Variants in RPL13A observed in about 807,000 individuals in gnomAD.
RPL13A encodes large ribosomal subunit protein uL13.
A neutral mutation model predicts 30.8 loss-of-function variants in RPL13A; 4 were observed. The observed-to-expected ratio is 0.13, with a 90% CI of 0.06 to 0.30. The LOEUF (loss-of-function observed/expected upper bound fraction) is 0.30, where lower values mean the gene tolerates loss of function less well. Among genes scored for constraint, RPL13A ranks in the 10% least tolerant of loss-of-function variants. RPL13A has a pLI of 1.00. For synonymous variants in RPL13A, 108 were observed against 104.2 expected, an observed-to-expected ratio of 1.04 and a Z score of -0.22; for missense variants, 196 against 272.6, an observed-to-expected ratio of 0.72 and a Z score of 1.98.
In RPL13A at chr19:49,491,106, C is replaced by A. The variant is rs1460707749; in HGVS notation, c.402+7C>A. On this transcript the variant is annotated splice_region_variant and intron_variant, in intron 6 of 7. Coordinates refer to ENST00000391857, the MANE Select transcript of RPL13A (RefSeq NM_012423.4). ...TCTGAAGCCTACAAGAAAGGTGAGT[C>A]CCAGCTTACGCTGCACCATCTACTT... 1.6e-5 allele frequency: 26 copies of A among 1,613,948 alleles called. No individual in the cohort carries two copies. Among genetic ancestry groups the A allele is most frequent in the Non-Finnish European group, 2.1e-5 (25 of 1,179,984 alleles).
In RPL13A at chr19:49,491,499, G is replaced by C; in HGVS notation, c.477G>C (p.Lys159Asn). 6.6e-7 allele frequency: 1 copy of C among 1,510,884 alleles called. No homozygotes were observed. Among genetic ancestry groups the C allele is most frequent in the Non-Finnish European group, 8.8e-7 (1 of 1,130,974 alleles). The allele number at this position is 1,510,884 out of a possible 1,614,324, so 93.6% of individuals were successfully genotyped here. The change falls in exon 7 of 8, where the codon AAG (lysine) becomes AAC (asparagine). Residue 159 changes from lysine to asparagine, a missense_variant. Physicochemically the swap from Lys to Asn is moderately conservative, Grantham distance 94. Coordinates refer to ENST00000391857, the MANE Select transcript of RPL13A (RefSeq NM_012423.4). ...CAGTGACAGCCACCCTGGAGGAGAA[G>C]AGGAAAGAGAAAGCCAAGATCCACT... ...YQAVTATLEE[K>N]RKEKAKIHYR...
intron 1 of RPL13A, among the ~76,000 whole-genome samples, chr19:49,488,769 G>T (rs1260871160): frequency 6.6e-6 from 1 of 152,232 alleles, no homozygotes; most frequent in Admixed American, 6.5e-5. Context: ...GCAATGGTGC[G>T]ATCTTGGCTC....
intron 1 of RPL13A, among the ~76,000 whole-genome samples, chr19:49,489,079 C>T (rs561701480): frequency 1.3e-4 from 20 of 152,348 alleles, no homozygotes; most frequent in African/African-American, 4.6e-4. Context: ...TGCTCTATAG[C>T]AGAGCTAGCA....
rs2079859835 is a variant in RPL13A at position 49,490,871 on chromosome 19, T to C, written c.342+7T>C. The C allele has an allele frequency of 6.2e-7, 1 of 1,614,028 alleles. No homozygotes were observed. Among genetic ancestry groups the C allele is most frequent in the Admixed American group, 1.7e-5 (1 of 60,008 alleles). On this transcript the variant is annotated splice_region_variant and intron_variant, in intron 5 of 7. Coordinates refer to ENST00000391857, the MANE Select transcript of RPL13A (RefSeq NM_012423.4). ...CCCACCGCCCTACGACAAGGTGAGC[T>C]ATGCCAAACCCCACAGGCAGCGGCC...
At chr19:49,491,400 T>TCGCCC (rs1555806959) in intron 6 of RPL13A, 25 bp from the exon 7 acceptor site, 1 of 950,634 alleles carries the variant, frequency 1.1e-6, no homozygotes, top group Non-Finnish European at 1.4e-6. Flanking sequence ...CTTCATTTGT[T>TCGCCC]CACCCCCCCC....
At position 49,487,621 on chromosome 19, in the gene RPL13A, C is replaced by T. The variant is rs765958462; in HGVS notation, c.-9C>T. ...CAAAACCTCCTCCTTTTCCAAGCGG[C>T]TGCCGAAGATGGCGGAGGTGCAGGT... On this transcript the variant is annotated 5_prime_UTR_variant, in exon 1 of 8. Coordinates refer to ENST00000391857, the MANE Select transcript of RPL13A (RefSeq NM_012423.4). 1 of 1,576,262 alleles carries T rather than the reference C, an allele frequency of 6.3e-7. No individual in the cohort carries two copies.
At chr19:49,488,044 G>C (rs1008142511) in intron 1 of RPL13A, among the ~76,000 whole-genome samples, 2 of 152,090 alleles carry the variant, frequency 1.3e-5, no homozygotes, top group Admixed American at 1.3e-4. Flanking sequence ...ACTGAGTTTT[G>C]GCCAAAATGG....
intron 2 of RPL13A, 44 bp from the exon 3 acceptor site, chr19:49,490,188 A>C (rs1162600709): frequency 6.3e-7 from 1 of 1,585,884 alleles, no homozygotes; most frequent in African/African-American, 1.3e-5. Context: ...CAGTGGTGGG[A>C]CCCTCAGGCG....
intron 1 of RPL13A, among the ~76,000 whole-genome samples, chr19:49,489,202 C>T (rs1167816753): frequency 6.6e-6 from 1 of 152,180 alleles, no homozygotes; most frequent in Admixed American, 6.5e-5. Flanking sequence ...ATTGTGTTAA[C>T]ATCCTACAAT....
At chr19:49,490,320 C>T in intron 3 of RPL13A, 23 bp downstream of exon 3, 2 of 1,611,758 alleles carry the variant, frequency 1.2e-6, no homozygotes, top group Non-Finnish European at 1.7e-6. Context: ...CTGGGAGGAG[C>T]ACTGGAGAGG....
At chr19:49,490,028 C>T in intron 2 of RPL13A, 106 bp downstream of exon 2, 1 of 1,059,708 alleles carries the variant, frequency 9.4e-7, no homozygotes, top group South Asian at 1.3e-5. Context: ...AGATCAACCC[C>T]ATGCACCGCT....
At chr19:49,490,946 T>C (rs1046011202) in intron 5 of RPL13A, 82 bp downstream of exon 5, 8 of 1,604,632 alleles carry the variant, frequency 5.0e-6, no homozygotes, top group Non-Finnish European at 6.8e-6. Flanking sequence ...TGTTTGATCC[T>C]CATGAAAGCA....
At chr19:49,491,009 G>A (rs369730736) in intron 5 of RPL13A, 31 bp from the exon 6 acceptor site, 53 of 1,613,930 alleles carry the variant, frequency 3.3e-5, no homozygotes, top group Middle Eastern at 1.6e-4. Context: ...TGTCCCTCCC[G>A]GGCTCTTAAG....
intron 1 of RPL13A, among the ~76,000 whole-genome samples, chr19:49,489,591 T>G (rs542733521): frequency 6.6e-6 from 1 of 152,292 alleles, no homozygotes; most frequent in Non-Finnish European, 1.5e-5. Context: ...AATCTGAGCA[T>G]AAAATACTCA....
At position 49,491,882 on chromosome 19, in the gene RPL13A, C is replaced by T. The variant is rs374049330; in HGVS notation, c.*67C>T. 21 of 1,312,080 alleles carry T rather than the reference C, an allele frequency of 1.6e-5. No homozygotes were observed. The highest frequency in any genetic ancestry group is 2.4e-5 in the East Asian group (1 of 42,224). The allele number at this position is 1,312,080 out of a possible 1,614,324, so 81.3% of individuals were successfully genotyped here. The stretch of plus-strand genomic sequence containing the variant: ...TCCTCCATTGTTGCCCTGGAATGTA[C>T]GGGACCCAGGGGCAGCAGCAGTCCA... On this transcript the variant is annotated 3_prime_UTR_variant, in exon 8 of 8. Transcript: ENST00000391857.
chr19:49,492,007 A>C lies in RPL13A; in HGVS notation c.*192A>C. 1 of 574,696 alleles carries C rather than the reference A, an allele frequency of 1.7e-6. No individual in the cohort carries two copies. The highest frequency in any genetic ancestry group is 3.1e-6 in the Non-Finnish European group (1 of 320,050). 35.6% of individuals were successfully genotyped at this position (574,696 alleles called of 1,614,324 possible). On this transcript the variant is annotated 3_prime_UTR_variant, in exon 8 of 8. Coordinates refer to ENST00000391857, the MANE Select transcript of RPL13A (RefSeq NM_012423.4). ...CTTGAAAGCACTCGGAGAATTGTGC[A>C]GGTGTCATTTATCTATGACCAATAG...
chr19:49,491,251 A>G (rs1407132197), intron 6 of RPL13A, 152 bp downstream of exon 6: 2 of 1,186,032 alleles, frequency 1.7e-6, no homozygotes, highest in East Asian at 2.3e-5. Flanking sequence ...GGCTTAGCTG[A>G]TGCCAGGAGG....
intron 1 of RPL13A, among the ~76,000 whole-genome samples, chr19:49,489,353 T>C (rs1477512939): frequency 1.3e-5 from 2 of 151,762 alleles, no homozygotes; most frequent in African/African-American, 4.8e-5. Flanking sequence ...GTACAAAAAT[T>C]AGCTGCGTGT....
At chr19:49,488,768 C>T (rs960614836) in intron 1 of RPL13A, among the ~76,000 whole-genome samples, 1 of 152,210 alleles carries the variant, frequency 6.6e-6, no homozygotes, top group African/African-American at 2.4e-5. Flanking sequence ...TGCAATGGTG[C>T]GATCTTGGCT....
Sources: gnomAD v4.1 joint callset for allele counts (sites outside exome capture counted in the v4.1 genomes callset) on GRCh38, gnomAD v4.1.1 for gene constraint, MANE v1.5 for transcripts, NCBI Gene and HGNC (gene_info 2026-07-23, HGNC 2026-07-21) for gene names.